The following TLN2 variants were observed in gnomAD, a reference collection of about 807,000 sequenced individuals.
TLN2 encodes the protein talin-2.
Under a neutral mutation model 294.7 loss-of-function variants are expected in TLN2, and 118 were observed. That is an observed-to-expected ratio of 0.40 (90% CI 0.34 to 0.47). The LOEUF (loss-of-function observed/expected upper bound fraction) is 0.47. TLN2 is among the 20% of genes least tolerant of loss of function. TLN2 has a pLI of 0.84. For missense variants in TLN2, 3,083 were observed against 3,282.2 expected (o/e 0.94, Z 1.48); for synonymous variants, 1,431 against 1,304.5 (o/e 1.10, Z -2.09).
intron 1 of TLN2, among the ~76,000 whole-genome samples, chr15:62,537,407 G>T (rs1055428691): frequency 3.3e-5 from 5 of 152,158 alleles, no homozygotes; most frequent in African/African-American, 1.2e-4. Flanking sequence ...GATATTTGGG[G>T]GTTGGGGTCT....
At chr15:62,748,559 T>G (rs1396065418) in intron 33 of TLN2, 115 bp downstream of exon 33, 10 of 854,328 alleles carry the variant, frequency 1.2e-5, no homozygotes, top group Non-Finnish European at 1.9e-5. Flanking sequence ...GCTAGTTTTC[T>G]CTTCTCTGTC....
intron 54 of TLN2, among the ~76,000 whole-genome samples, chr15:62,825,846 A>ATATATATT (rs72171191): frequency 1.2e-5 from 1 of 80,490 alleles, no homozygotes; most frequent in African/African-American, 8.0e-5. Flanking sequence ...AATATATATA[A>ATATATATT]ATATATTATA....
chr15:62,694,443 G>A (rs2058178368), intron 14 of TLN2, 51 bp downstream of exon 14: 3 of 1,519,708 alleles, frequency 2.0e-6, no homozygotes, highest in Non-Finnish European at 2.7e-6. Context: ...AGATAGGTAG[G>A]TTTCCTCTTG....
At chr15:62,489,966 C>T (rs1194823039) in intron 1 of TLN2, among the ~76,000 whole-genome samples, 1 of 152,194 alleles carries the variant, frequency 6.6e-6, no homozygotes, top group Non-Finnish European at 1.5e-5. Context: ...GAAAGAACCA[C>T]CTAGTTATGC....
chr15:62,657,162 G>GA (rs374441785), intron 8 of TLN2, among the ~76,000 whole-genome samples: 2 of 146,392 alleles, frequency 1.4e-5, no homozygotes, highest in African/African-American at 2.5e-5. Flanking sequence ...GTGGGGGGGG[G>GA]AAGCAACAGC....
intron 6 of TLN2, 149 bp from the exon 7 acceptor site, chr15:62,653,013 G>T: frequency 2.1e-6 from 1 of 484,586 alleles, no homozygotes. Context: ...CATTTAATTT[G>T]ATGTGGCCAC....
At chr15:62,550,642 G>C (rs572023363) in intron 1 of TLN2, among the ~76,000 whole-genome samples, 7 of 152,212 alleles carry the variant, frequency 4.6e-5, no homozygotes, top group African/African-American at 1.7e-4. Flanking sequence ...TATTTGGGGG[G>C]TCACTTAAAT....
At chr15:62,676,390 C>T (rs2056193169) in intron 11 of TLN2, among the ~76,000 whole-genome samples, 1 of 152,210 alleles carries the variant, frequency 6.6e-6, no homozygotes, top group African/African-American at 2.4e-5. Context: ...ACGTATACAT[C>T]AGTCACCTTG....
At chr15:62,657,628 C>T in intron 8 of TLN2, 143 bp from the exon 9 acceptor site, 1 of 1,280,654 alleles carries the variant, frequency 7.8e-7, no homozygotes. Flanking sequence ...TGATCATCCA[C>T]TGTGTCCTGC....
At chr15:62,597,657 A>G (rs758476525) in intron 2 of TLN2, among the ~76,000 whole-genome samples, 9 of 152,188 alleles carry the variant, frequency 5.9e-5, no homozygotes, top group Non-Finnish European at 1.3e-4. Context: ...CAGCTTGAGC[A>G]TTCCTTATCC....
intron 29 of TLN2, among the ~76,000 whole-genome samples, chr15:62,737,957 T>C (rs1345167920): frequency 6.6e-6 from 1 of 152,180 alleles, no homozygotes; most frequent in Non-Finnish European, 1.5e-5. Context: ...ACCCTGGCTT[T>C]GGGGAGCAGG....
chr15:62,832,023 C>CA (rs2068902834), intron 54 of TLN2: 1 of 151,900 alleles, frequency 6.6e-6, no homozygotes, highest in African/African-American at 2.4e-5. Flanking sequence ...CATGCTGCCA[C>CA]ATCACCTTGG....
At chr15:62,800,624 A>T (rs2065871498) in intron 49 of TLN2, 29 bp from the exon 50 acceptor site, 14 of 1,613,094 alleles carry the variant, frequency 8.7e-6, no homozygotes, top group Non-Finnish European at 1.2e-5. Context: ...TCACTGCACT[A>T]TCTGTATTCA....
At chr15:62,709,927 G>A (rs1162013752) in intron 21 of TLN2, among the ~76,000 whole-genome samples, 1 of 151,886 alleles carries the variant, frequency 6.6e-6, no homozygotes, top group Non-Finnish European at 1.5e-5. Flanking sequence ...TAGAGATGGG[G>A]CTTCACCATG....
intron 2 of TLN2, among the ~76,000 whole-genome samples, chr15:62,618,018 C>G (rs1297315940): frequency 7.0e-6 from 1 of 143,812 alleles, no homozygotes; most frequent in East Asian, 2.0e-4. Flanking sequence ...GGGTTGGTCT[C>G]GAACTTCTGG....
At chr15:62,587,534 T>G (rs1257851426) in intron 1 of TLN2, among the ~76,000 whole-genome samples, 1 of 152,226 alleles carries the variant, frequency 6.6e-6, no homozygotes, top group Admixed American at 6.5e-5. Flanking sequence ...TATCAATAAA[T>G]ATAGACCTCC....
intron 3 of TLN2, among the ~76,000 whole-genome samples, chr15:62,631,232 A>C (rs2049785500): frequency 6.6e-6 from 1 of 151,992 alleles, no homozygotes; most frequent in Admixed American, 6.5e-5. Context: ...GCCTTGTCAG[A>C]GCCAAATCAC....
At chr15:62,407,246 T>G (rs1033426963) in intron 1 of TLN2, among the ~76,000 whole-genome samples, 10 of 152,150 alleles carry the variant, frequency 6.6e-5, no homozygotes, top group Admixed American at 3.9e-4. Context: ...TATTACTACT[T>G]TGAGGAAGCT....
At chr15:62,583,961 T>C (rs2045367575) in intron 1 of TLN2, among the ~76,000 whole-genome samples, 1 of 152,222 alleles carries the variant, frequency 6.6e-6, no homozygotes, top group Admixed American at 6.5e-5. Flanking sequence ...ATGTGATCTC[T>C]TTTCTTGCCC....
Sources: allele counts gnomAD v4.1 joint callset (sites outside exome capture counted in the v4.1 genomes callset), GRCh38; gene constraint gnomAD v4.1.1; transcripts MANE v1.5; gene names NCBI Gene and HGNC (gene_info 2026-07-23, HGNC 2026-07-21).